BICDL1: variants seen among roughly 807,000 people sequenced by gnomAD.
BICDL1 encodes BICD family-like cargo adapter 1.
In BICDL1, 20 loss-of-function variants were observed where a neutral mutation model predicts 76.8. The observed-to-expected ratio is 0.26, with a 90% CI of 0.18 to 0.38. BICDL1 has a LOEUF of 0.38. Ranked by LOEUF, BICDL1 falls within the 10% of genes least tolerant of loss-of-function variation. The probability of loss-of-function intolerance (pLI) is 1.00; values close to 1 mark genes in which losing one functional copy is unlikely to be tolerated. For synonymous variants in BICDL1, 383 were observed against 337.1 expected (o/e 1.14, Z -1.49); for missense variants, 700 against 798.6 (o/e 0.88, Z 1.49).
intron 9 of BICDL1, 181 bp downstream of exon 9, chr12:120,090,252 A>T: frequency 1.5e-6 from 1 of 685,514 alleles, no homozygotes; most frequent in Non-Finnish European, 2.3e-6. Flanking sequence ...AAGAATGCTT[A>T]AGGATGCTTT....
chr12:120,072,571 G>T lies in BICDL1; in HGVS notation c.1150G>T (p.Gly384Cys), dbSNP rs771934081. The change falls in exon 6 of 10, where the codon GGC becomes TGC. Residue 384 changes from glycine to cysteine, a missense_variant. Physicochemically the swap from Gly to Cys is radical, Grantham distance 159 (BLOSUM62 -3). Coordinates refer to ENST00000548673, the MANE Select transcript of BICDL1 (RefSeq NM_001367886.1). Reference sequence around the variant, plus strand: ...TCGCTATCTGTGCTCACACCTTCGAGGCAATGACAGTGCTGACTCAGCCGT... The same window carrying T: ...TCGCTATCTGTGCTCACACCTTCGATGCAATGACAGTGCTGACTCAGCCGT... ...QVRYLCSHLR[G>C]NDSADSAVST... 3 of 1,614,210 alleles carry T rather than the reference G, an allele frequency of 1.9e-6. No homozygotes were observed. The highest frequency in any genetic ancestry group is 1.3e-5 in the African/African-American group (1 of 75,056).
intron 2 of BICDL1, among the ~76,000 whole-genome samples, chr12:120,053,524 T>TTGGC (rs1952909363): frequency 6.6e-6 from 1 of 152,224 alleles, no homozygotes; most frequent in South Asian, 2.1e-4. Flanking sequence ...TGTTTATTGA[T>TTGGC]TAAATGGTCC....
chr12:120,090,849 ATGGCAGCCAGCTGGCCGCGCCC>A, intron 9 of BICDL1: 1 of 1,278,470 alleles, frequency 7.8e-7, no homozygotes, highest in Non-Finnish European at 1.0e-6. Flanking sequence ...TGGCTCCTGC[ATGGCAGCCAGCTGGCCGCGCCC>A]TGGCTGACCG....
intron 2 of BICDL1, among the ~76,000 whole-genome samples, chr12:120,060,328 T>C (rs1953077092): frequency 6.6e-6 from 1 of 152,218 alleles, no homozygotes. Flanking sequence ...ATTGCCAGAA[T>C]TGTTCACAGG....
intron 1 of BICDL1, among the ~76,000 whole-genome samples, chr12:119,991,900 T>A (rs1951532123): frequency 1.3e-5 from 2 of 152,216 alleles, no homozygotes; most frequent in South Asian, 4.1e-4. Flanking sequence ...AAGAATAAAT[T>A]ATCTTTGACA....
At chr12:120,000,083 C>T (rs367948321) in intron 2 of BICDL1, among the ~76,000 whole-genome samples, 13 of 151,974 alleles carry the variant, frequency 8.6e-5, no homozygotes, top group African/African-American at 3.1e-4. Context: ...ACGTGTCTCA[C>T]AAGAATATGG....
At chr12:119,991,243 G>A (rs1308943262) in intron 1 of BICDL1, among the ~76,000 whole-genome samples, 1 of 152,178 alleles carries the variant, frequency 6.6e-6, no homozygotes, top group Non-Finnish European at 1.5e-5. Flanking sequence ...GTTGCAGCCA[G>A]CTCTTTTCAT....
chr12:120,082,179 T>G (rs1223801120), intron 8 of BICDL1, among the ~76,000 whole-genome samples: 1 of 152,210 alleles, frequency 6.6e-6, no homozygotes, highest in Non-Finnish European at 1.5e-5. Context: ...TCTCATAGAT[T>G]TGCTGCATTC....
rs1005302379 is a variant in BICDL1 at position 120,078,522 on chromosome 12, T to G, written c.1453-2365T>G. Among the ~76,000 whole-genome samples the G allele has an allele frequency of 9.8e-5, 15 of 152,374 alleles. No individual in the cohort carries two copies. In the East Asian group the frequency reaches 2.5e-3, roughly 25 times the overall value. The stretch of plus-strand genomic sequence containing the variant: ...ATGACAGCAGTGATTAGGTCCCACC[T>G]TGCAGGAGGGAGGAGAGAGTAGAGC... On this transcript the variant is annotated intron_variant, in intron 7 of 9. Coordinates refer to ENST00000548673, the MANE Select transcript of BICDL1 (RefSeq NM_001367886.1).
At chr12:120,001,481 T>G (rs919022394) in intron 2 of BICDL1, among the ~76,000 whole-genome samples, 3 of 152,146 alleles carry the variant, frequency 2.0e-5, no homozygotes, top group Non-Finnish European at 4.4e-5. Context: ...CTCCTGACCT[T>G]GTGATCTGCC....
intron 2 of BICDL1, among the ~76,000 whole-genome samples, chr12:120,034,992 A>G (rs564057231): frequency 6.6e-6 from 1 of 152,356 alleles, no homozygotes; most frequent in Non-Finnish European, 1.5e-5. Context: ...TTATGCACAA[A>G]GAAGATACTT....
chr12:120,045,027 A>G (rs1024302824), intron 2 of BICDL1, among the ~76,000 whole-genome samples: 1 of 152,210 alleles, frequency 6.6e-6, no homozygotes, highest in South Asian at 2.1e-4. Context: ...TACTCATCTG[A>G]CAAAGGGCTA....
At chr12:120,059,690 G>A (rs796553425) in intron 2 of BICDL1, among the ~76,000 whole-genome samples, 4 of 150,544 alleles carry the variant, frequency 2.7e-5, no homozygotes, top group East Asian at 2.0e-4. Context: ...GAGTACAGAC[G>A]TGAGTTACCC....
intron 9 of BICDL1, 174 bp from the exon 10 acceptor site, chr12:120,092,826 G>T (rs996650336): frequency 3.0e-6 from 3 of 985,436 alleles, no homozygotes; most frequent in Non-Finnish European, 3.6e-6. Flanking sequence ...TCCTGCGTGC[G>T]CCTGGTGTCT....
chr12:119,997,041 C>A (rs11064987), intron 1 of BICDL1, among the ~76,000 whole-genome samples: 19,969 of 151,586 alleles, frequency 0.13, 1,598 homozygotes, highest in East Asian at 0.4. Context: ...CTCTGCCTCC[C>A]GGGTTCATGC....
rs367564913 is a variant in BICDL1, at chr12:120,020,350, T to A, written c.645+21614T>A. On this transcript the variant is annotated intron_variant, in intron 2 of 9. Transcript: ENST00000548673. ...AAGGCGGGACGGCTGGAGAGTTGGCTGCAATTGATTTAAACACATGAATAT... is the reference window on the plus strand; with the variant it reads ...AAGGCGGGACGGCTGGAGAGTTGGCAGCAATTGATTTAAACACATGAATAT... Among the ~76,000 whole-genome samples, 28 of 152,354 alleles carry A rather than the reference T, an allele frequency of 1.8e-4. No individual in the cohort carries two copies. The East Asian group carries it at 4.2e-3, about 23-fold the overall frequency.
chr12:120,012,248 C>T (rs2138670594), intron 2 of BICDL1, among the ~76,000 whole-genome samples: 1 of 152,238 alleles, frequency 6.6e-6, no homozygotes, highest in Non-Finnish European at 1.5e-5. Context: ...AGGTACTTTC[C>T]CTGCACACGA....
intron 2 of BICDL1, among the ~76,000 whole-genome samples, chr12:120,053,146 C>A (rs957462382): frequency 2.6e-5 from 4 of 152,096 alleles, no homozygotes; most frequent in Non-Finnish European, 5.9e-5. Context: ...ATGGCGCAAT[C>A]TCGGCTCACC....
intron 2 of BICDL1, among the ~76,000 whole-genome samples, chr12:120,016,006 C>CCA (rs1952052279): frequency 1.3e-5 from 2 of 152,188 alleles, no homozygotes; most frequent in Non-Finnish European, 2.9e-5. Context: ...AATTTTAGAA[C>CCA]ATTTCTGCTA....
Sources: allele counts gnomAD v4.1 joint callset (sites outside exome capture counted in the v4.1 genomes callset), GRCh38; gene constraint gnomAD v4.1.1; transcripts MANE v1.5; gene names NCBI Gene and HGNC (gene_info 2026-07-23, HGNC 2026-07-21).